The following KIAA1217 variants were observed in gnomAD, a reference collection of about 807,000 sequenced individuals.
KIAA1217 encodes the protein sickle tail protein homolog.
A neutral mutation model predicts 163.9 loss-of-function variants in KIAA1217; 88 were observed. The ratio of observed to expected loss-of-function variants is 0.54; its 90% CI spans 0.45 to 0.64. The LOEUF (loss-of-function observed/expected upper bound fraction) is 0.64. KIAA1217 is among the 30% of genes least tolerant of loss of function. The pLI is 0.00. For synonymous variants in KIAA1217, 903 were observed against 923.1 expected, an observed-to-expected ratio of 0.98 and a Z score of 0.39; for missense variants, 2,372 against 2,475.0, an observed-to-expected ratio of 0.96 and a Z score of 0.88.
intron 2 of KIAA1217, among the ~76,000 whole-genome samples, chr10:24,197,024 C>A (rs74123659): frequency 6.6e-6 from 1 of 152,172 alleles, no homozygotes; most frequent in Non-Finnish European, 1.5e-5. Flanking sequence ...TCCTTCACTA[C>A]GATATGGAGT....
intron 6 of KIAA1217, among the ~76,000 whole-genome samples, chr10:24,478,535 A>G (rs1002139495): frequency 2.0e-5 from 3 of 152,176 alleles, no homozygotes; most frequent in African/African-American, 7.2e-5. Context: ...GACTTTCAGA[A>G]CAGCCATTCT....
chr10:23,976,914 G>C (rs1011005854), intron 1 of KIAA1217, among the ~76,000 whole-genome samples: 2 of 152,160 alleles, frequency 1.3e-5, no homozygotes, highest in African/African-American at 4.8e-5. Context: ...TGCTCTAAAG[G>C]AGCAGAGGAG....
chr10:23,844,353 A>G (rs760536017), intron 1 of KIAA1217, among the ~76,000 whole-genome samples: 57 of 152,262 alleles, frequency 3.7e-4, no homozygotes, highest in Non-Finnish European at 1.0e-4. Context: ...GAGTAGAATA[A>G]AAGACTATTT....
intron 1 of KIAA1217, among the ~76,000 whole-genome samples, chr10:23,819,434 G>C (rs1588885139): frequency 6.6e-6 from 1 of 152,270 alleles, no homozygotes; most frequent in East Asian, 1.9e-4. Context: ...AAGATATGGA[G>C]CAGTGAGAGA....
At chr10:23,869,058 T>C (rs918216213) in intron 1 of KIAA1217, among the ~76,000 whole-genome samples, 1 of 151,826 alleles carries the variant, frequency 6.6e-6, no homozygotes, top group Admixed American at 6.6e-5. Context: ...AGCACGTTTT[T>C]TTTATAAATG....
intron 2 of KIAA1217, among the ~76,000 whole-genome samples, chr10:24,080,657 A>G (rs2061508709): frequency 6.6e-6 from 1 of 152,228 alleles, no homozygotes; most frequent in Admixed American, 6.5e-5. Context: ...AGTCATTTAA[A>G]TTACACTAAT....
chr10:24,304,894 G>T (rs1453739760), intron 2 of KIAA1217, among the ~76,000 whole-genome samples: 2 of 152,106 alleles, frequency 1.3e-5, no homozygotes, highest in Non-Finnish European at 2.9e-5. Flanking sequence ...GGTAATGAAG[G>T]TACTTATGGG....
At chr10:24,369,218 T>TG (rs1564553011) in intron 2 of KIAA1217, among the ~76,000 whole-genome samples, 5 of 151,508 alleles carry the variant, frequency 3.3e-5, no homozygotes, top group African/African-American at 7.3e-5. Flanking sequence ...TGTGTGTGTG[T>TG]TTTCATTTGA....
chr10:24,308,763 C>T (rs1312270451), intron 2 of KIAA1217, among the ~76,000 whole-genome samples: 5 of 152,084 alleles, frequency 3.3e-5, no homozygotes, highest in East Asian at 1.9e-4. Context: ...ATGACCCCTT[C>T]GTTTCCTGTG....
chr10:24,439,664 T>C (rs554568721), intron 5 of KIAA1217, among the ~76,000 whole-genome samples: 3,185 of 150,948 alleles, frequency 0.021, 115 homozygotes, highest in African/African-American at 0.072. Flanking sequence ...TTTTTTTTTT[T>C]CCCCCAACTT....
chr10:24,515,875 C>T (rs1472059107), intron 10 of KIAA1217, among the ~76,000 whole-genome samples: 1 of 152,134 alleles, frequency 6.6e-6, no homozygotes, highest in Non-Finnish European at 1.5e-5. Context: ...AATTCAAGAA[C>T]AGGCTGGGCA....
intron 1 of KIAA1217, among the ~76,000 whole-genome samples, chr10:24,004,885 G>A (rs1369679881): frequency 1.3e-5 from 2 of 152,214 alleles, no homozygotes; most frequent in African/African-American, 2.4e-5. Context: ...AGGAAGGGCT[G>A]TAAGCTGTGG....
intron 1 of KIAA1217, among the ~76,000 whole-genome samples, chr10:24,211,647 G>A (rs1275171296): frequency 6.6e-6 from 1 of 151,178 alleles, no homozygotes; most frequent in Non-Finnish European, 1.5e-5. Flanking sequence ...GAGTTACAAA[G>A]GGATTTGTCT....
At chr10:23,810,144 A>T (rs1836927677) in intron 1 of KIAA1217, among the ~76,000 whole-genome samples, 1 of 151,722 alleles carries the variant, frequency 6.6e-6, no homozygotes, top group Non-Finnish European at 1.5e-5. Flanking sequence ...TTGACTTAAG[A>T]CATTTTCAAC....
At chr10:24,388,678 T>C (rs924211870) in intron 3 of KIAA1217, among the ~76,000 whole-genome samples, 4 of 151,804 alleles carry the variant, frequency 2.6e-5, no homozygotes, top group African/African-American at 9.7e-5. Flanking sequence ...AGGGCTAATA[T>C]CCAGAATCTA....
At chr10:24,528,319 T>C (rs990951641) in intron 14 of KIAA1217, among the ~76,000 whole-genome samples, 200 bp downstream of exon 14, 1 of 125,114 alleles carries the variant, frequency 8.0e-6, no homozygotes, top group African/African-American at 2.9e-5. Context: ...GTTTTTTTTT[T>C]TTGTTTTTTT....
intron 2 of KIAA1217, among the ~76,000 whole-genome samples, chr10:24,066,521 C>G (rs990191205): frequency 6.6e-6 from 1 of 152,194 alleles, no homozygotes; most frequent in African/African-American, 2.4e-5. Context: ...ATCTGTTAGT[C>G]TGATGGGTTT....
chr10:24,429,794 G>T (rs554032775), intron 3 of KIAA1217, among the ~76,000 whole-genome samples: 1 of 152,240 alleles, frequency 6.6e-6, no homozygotes, highest in East Asian at 1.9e-4. Context: ...TTATATGTGG[G>T]TCTGGCTGCT....
intron 2 of KIAA1217, among the ~76,000 whole-genome samples, chr10:24,272,638 G>A (rs758631802): frequency 6.6e-6 from 1 of 152,192 alleles, no homozygotes; most frequent in Admixed American, 6.5e-5. Flanking sequence ...TGAGATAGCT[G>A]TTCAAATAGT....
Sources: gnomAD v4.1 joint callset for allele counts (sites outside exome capture counted in the v4.1 genomes callset) on GRCh38, gnomAD v4.1.1 for gene constraint, MANE v1.5 for transcripts, NCBI Gene and HGNC (gene_info 2026-07-23, HGNC 2026-07-21) for gene names.